ENOX1: variants seen among roughly 807,000 people sequenced by gnomAD.
ENOX1 encodes candidate growth-related and time keeping constitutive hydroquinone (NADH) oxidase.
Under a neutral mutation model 82.5 loss-of-function variants are expected in ENOX1, and 42 were observed. That is an observed-to-expected ratio of 0.51 (90% confidence interval 0.40 to 0.66). ENOX1 has a LOEUF of 0.66. ENOX1 is among the 30% of genes least tolerant of loss of function. ENOX1 has a pLI of 0.00. For synonymous variants in ENOX1, 271 were observed against 282.2 expected (o/e 0.96, Z 0.40); for missense variants, 608 against 811.6 (o/e 0.75, Z 3.05).
At chr13:43,532,712 G>T (rs1378143136) in intron 2 of ENOX1, among the ~76,000 whole-genome samples, 1 of 151,994 alleles carries the variant, frequency 6.6e-6, no homozygotes, top group Non-Finnish European at 1.5e-5. Context: ...ATGCAGCTAC[G>T]AGGATCCAAA....
At chr13:43,411,778 G>A in intron 5 of ENOX1, 138 bp downstream of exon 5, 1 of 1,102,476 alleles carries the variant, frequency 9.1e-7, no homozygotes, top group Non-Finnish European at 1.3e-6. Flanking sequence ...AGAATCTCAA[G>A]TACAACTTGC....
intron 5 of ENOX1, among the ~76,000 whole-genome samples, chr13:43,368,354 G>A (rs1266911047): frequency 6.6e-6 from 1 of 152,210 alleles, no homozygotes; most frequent in East Asian, 1.9e-4. Flanking sequence ...TTGTGTCCAT[G>A]TTTGAAAATA....
chr13:43,534,775 G>T (rs761056808), intron 2 of ENOX1, among the ~76,000 whole-genome samples: 1 of 152,134 alleles, frequency 6.6e-6, no homozygotes, highest in African/African-American at 2.4e-5. Flanking sequence ...GGGCTGGGGG[G>T]TGTTGCCACT....
Position 43,346,722 on chromosome 13 carries a change from A to G in ENOX1, c.824-1972T>C, listed in dbSNP as rs192639136. 1.8e-3 allele frequency among the ~76,000 whole-genome samples: 269 copies of G among 152,274 alleles called. 1 individual carries two copies. The highest frequency in any genetic ancestry group is 6.2e-3 in the African/African-American group (258 of 41,546). ...CCCATGGAGAGGCCCATAATTTAGC[A>G]TGATGTTTGTGAGAGGCCCACTGCA... On this transcript the variant is annotated intron_variant, in intron 8 of 16. Transcript: ENST00000690772.
chr13:43,303,760 A>T (rs1467363872), intron 11 of ENOX1, among the ~76,000 whole-genome samples: 2 of 152,148 alleles, frequency 1.3e-5, no homozygotes, highest in Admixed American at 1.3e-4. Context: ...CTGCATTACA[A>T]GCTCCTGGCG....
At chr13:43,730,800 C>A (rs1398636878) in intron 1 of ENOX1, among the ~76,000 whole-genome samples, 1 of 152,190 alleles carries the variant, frequency 6.6e-6, no homozygotes, top group Non-Finnish European at 1.5e-5. Flanking sequence ...CAGCTTCTGA[C>A]CTGTGTGTTT....
chr13:43,319,345 G>A (rs1188025014), intron 11 of ENOX1, among the ~76,000 whole-genome samples: 1 of 152,026 alleles, frequency 6.6e-6, no homozygotes, highest in Admixed American at 6.6e-5. Flanking sequence ...TTCTATTGTA[G>A]ATACTGCAGA....
At chr13:43,316,669 A>C (rs1166384856) in intron 11 of ENOX1, among the ~76,000 whole-genome samples, 1 of 151,992 alleles carries the variant, frequency 6.6e-6, no homozygotes, top group Non-Finnish European at 1.5e-5. Context: ...AAGCATATCC[A>C]TTACGGAAAG....
chr13:43,695,253 A>T (rs1433653604), intron 1 of ENOX1, among the ~76,000 whole-genome samples: 1 of 151,998 alleles, frequency 6.6e-6, no homozygotes, highest in African/African-American at 2.4e-5. Context: ...TTTAAAAAAA[A>T]AAAAATGGTT....
At chr13:43,278,400 A>G (rs1228449283) in intron 12 of ENOX1, among the ~76,000 whole-genome samples, 1 of 152,174 alleles carries the variant, frequency 6.6e-6, no homozygotes, top group Non-Finnish European at 1.5e-5. Context: ...ACTAGATTCA[A>G]AATAAACAAT....
intron 16 of ENOX1, among the ~76,000 whole-genome samples, chr13:43,214,969 C>G (rs191493083): frequency 3.0e-4 from 46 of 152,132 alleles, no homozygotes; most frequent in Admixed American, 1.6e-3. Context: ...GTTAAATGAC[C>G]CTTACAGAGA....
chr13:43,630,860 T>TATATATATATATACAC (rs34023929), intron 2 of ENOX1, among the ~76,000 whole-genome samples: 1 of 147,708 alleles, frequency 6.8e-6, no homozygotes, highest in African/African-American at 2.5e-5. Context: ...TATATATATA[T>TATATATATATATACAC]ACACACACAC....
chr13:43,371,398 T>TG (rs2051234883), intron 5 of ENOX1, among the ~76,000 whole-genome samples: 1 of 152,234 alleles, frequency 6.6e-6, no homozygotes, highest in Non-Finnish European at 1.5e-5. Flanking sequence ...AATGCCTCCT[T>TG]GCTCTATAGA....
intron 12 of ENOX1, among the ~76,000 whole-genome samples, chr13:43,276,526 C>T (rs2045044365): frequency 6.6e-6 from 1 of 152,168 alleles, no homozygotes. Flanking sequence ...CTCTCCAGAC[C>T]ATCCACTGCT....
chr13:43,470,134 A>T (rs930723132), intron 3 of ENOX1, among the ~76,000 whole-genome samples: 1 of 150,492 alleles, frequency 6.6e-6, no homozygotes, highest in Non-Finnish European at 1.5e-5. Flanking sequence ...ATGGATAATA[A>T]ATCTAAACAT....
intron 5 of ENOX1, among the ~76,000 whole-genome samples, chr13:43,391,270 G>T (rs2052756998): frequency 6.6e-6 from 1 of 151,980 alleles, no homozygotes; most frequent in Non-Finnish European, 1.5e-5. Context: ...CCCTTTGCTG[G>T]CTTATCACCT....
chr13:43,547,442 G>A (rs2079020389), intron 2 of ENOX1: 1 of 152,140 alleles, frequency 6.6e-6, no homozygotes, highest in East Asian at 1.9e-4. Flanking sequence ...TATAAGAGAA[G>A]CAAACTTCTA....
intron 2 of ENOX1, among the ~76,000 whole-genome samples, chr13:43,541,214 A>G (rs1022115866): frequency 1.7e-4 from 10 of 58,746 alleles, no homozygotes; most frequent in African/African-American, 4.6e-4. Flanking sequence ...AAATGATTTC[A>G]GGGACCAGAT....
At chr13:43,438,371 G>A (rs1464208217) in intron 3 of ENOX1, among the ~76,000 whole-genome samples, 1 of 152,134 alleles carries the variant, frequency 6.6e-6, no homozygotes, top group Non-Finnish European at 1.5e-5. Flanking sequence ...GATTTAAGAG[G>A]TACTTCTGGA....
Sources: gnomAD v4.1 joint callset for allele counts (sites outside exome capture counted in the v4.1 genomes callset) on GRCh38, gnomAD v4.1.1 for gene constraint, MANE v1.5 for transcripts, NCBI Gene and HGNC (gene_info 2026-07-23, HGNC 2026-07-21) for gene names.